The following EPB41L5 variants were observed in gnomAD, a reference collection of about 807,000 sequenced individuals.
The protein encoded by EPB41L5 is erythrocyte membrane protein band 4.1 like 5, also known as band 4.1-like protein 5.
In EPB41L5, 55 loss-of-function variants were observed where a neutral mutation model predicts 106.6. The ratio of observed to expected loss-of-function variants is 0.52; its 90% CI spans 0.42 to 0.65. The LOEUF is 0.65. Ranked by LOEUF, EPB41L5 falls within the 30% of genes least tolerant of loss-of-function variation. The probability of loss-of-function intolerance (pLI) is 0.00; values close to 1 mark genes in which losing one functional copy is unlikely to be tolerated. For synonymous variants in EPB41L5, 297 were observed against 306.7 expected (o/e 0.97, Z 0.33); for missense variants, 871 against 882.1 (o/e 0.99, Z 0.16).
chr2:120,068,235 G>A (rs906591467), intron 3 of EPB41L5, among the ~76,000 whole-genome samples: 4 of 152,230 alleles, frequency 2.6e-5, no homozygotes, highest in African/African-American at 7.2e-5. Flanking sequence ...TGTGAGGAAC[G>A]GTGCATTCCG....
intron 3 of EPB41L5, among the ~76,000 whole-genome samples, chr2:120,061,187 C>T (rs1437450565): frequency 1.3e-5 from 2 of 149,344 alleles, no homozygotes; most frequent in Non-Finnish European, 3.0e-5. Flanking sequence ...ACTACAGGCA[C>T]ACACCACCAT....
intron 16 of EPB41L5, 34 bp from the exon 17 acceptor site, chr2:120,127,654 C>T (rs1562287): frequency 6.5e-7 from 1 of 1,527,726 alleles, no homozygotes; most frequent in Non-Finnish European, 8.9e-7. Flanking sequence ...AGTTAAATTT[C>T]TTGGTCTAAG....
At chr2:120,079,201 A>C (rs1326197810) in intron 10 of EPB41L5, among the ~76,000 whole-genome samples, 2 of 152,146 alleles carry the variant, frequency 1.3e-5, no homozygotes, top group African/African-American at 4.8e-5. Flanking sequence ...CTAGACAGGG[A>C]CTGTTAGCGC....
intron 16 of EPB41L5, among the ~76,000 whole-genome samples, chr2:120,112,912 A>G (rs186013573): frequency 7.2e-4 from 110 of 152,354 alleles, no homozygotes; most frequent in Admixed American, 7.2e-4. Flanking sequence ...GCTGGGCTTC[A>G]AACTCAAGAC....
At position 120,106,085 on chromosome 2, in the gene EPB41L5, G is replaced by T. The variant is rs191834252; in HGVS notation, c.1337+5271G>T. Reference sequence around the variant, plus strand: ...GTAAGATCTTCAGTTCATATTGAAAGTGGCCATTTCTGTATTTATAATTTG... The same window carrying T: ...GTAAGATCTTCAGTTCATATTGAAATTGGCCATTTCTGTATTTATAATTTG... On this transcript the variant is annotated intron_variant, in intron 16 of 24. Coordinates refer to ENST00000263713, the MANE Select transcript of EPB41L5 (RefSeq NM_020909.4). 4.3e-4 allele frequency: 427 copies of T among 985,030 alleles called. 9 individuals are homozygous for T. In the Admixed American group the frequency reaches 0.025, roughly 57 times the overall value. 61.0% of individuals were successfully genotyped at this position (985,030 alleles called of 1,614,324 possible).
chr2:120,035,034 G>A (rs1162547013), intron 2 of EPB41L5, among the ~76,000 whole-genome samples: 1 of 152,046 alleles, frequency 6.6e-6, no homozygotes, highest in Admixed American at 6.6e-5. Flanking sequence ...TTATTTAAAC[G>A]CACATACACA....
chr2:120,021,447 A>C (rs571842828), intron 2 of EPB41L5, among the ~76,000 whole-genome samples: 17 of 152,262 alleles, frequency 1.1e-4, no homozygotes, highest in Non-Finnish European at 2.4e-4. Context: ...GTTTGAGACC[A>C]GTCTGGCCAA....
At chr2:120,072,098 AC>A (rs1368708960) in intron 3 of EPB41L5, among the ~76,000 whole-genome samples, 4 of 152,232 alleles carry the variant, frequency 2.6e-5, no homozygotes, top group Non-Finnish European at 4.4e-5. Flanking sequence ...CCAGAAAAAA[AC>A]AACCCCATCA....
intron 2 of EPB41L5, among the ~76,000 whole-genome samples, chr2:120,022,733 T>G (rs550384112): frequency 4.6e-5 from 7 of 152,294 alleles, no homozygotes; most frequent in African/African-American, 1.7e-4. Flanking sequence ...ATATTTCTGG[T>G]TCTAGATCCT....
At chr2:120,021,618 G>A (rs993215230) in intron 2 of EPB41L5, among the ~76,000 whole-genome samples, 5 of 152,176 alleles carry the variant, frequency 3.3e-5, no homozygotes, top group African/African-American at 1.2e-4. Context: ...TCCAGCCCGG[G>A]TGACAGTGCG....
At chr2:120,090,998 T>C (rs991454207) in intron 12 of EPB41L5, among the ~76,000 whole-genome samples, 1 of 152,144 alleles carries the variant, frequency 6.6e-6, no homozygotes. Context: ...CTGCATGCCA[T>C]GGAAATCAGT....
chr2:120,056,950 G>T (rs1196894359), intron 3 of EPB41L5, among the ~76,000 whole-genome samples: 5 of 152,156 alleles, frequency 3.3e-5, no homozygotes, highest in Non-Finnish European at 7.3e-5. Flanking sequence ...AGGCTGGAGT[G>T]TAGTGACGCC....
chr2:120,079,661 A>G (rs1159590254), intron 10 of EPB41L5, among the ~76,000 whole-genome samples: 1 of 152,156 alleles, frequency 6.6e-6, no homozygotes, highest in African/African-American at 2.4e-5. Flanking sequence ...AACTGGTATT[A>G]CATTTCCTTT....
intron 3 of EPB41L5, among the ~76,000 whole-genome samples, chr2:120,057,568 T>C (rs1224953202): frequency 6.6e-6 from 1 of 152,162 alleles, no homozygotes; most frequent in Non-Finnish European, 1.5e-5. Context: ...AGATGGATAA[T>C]GGTATAAATC....
chr2:120,054,923 A>G (rs538730755), intron 3 of EPB41L5, among the ~76,000 whole-genome samples: 4 of 145,514 alleles, frequency 2.7e-5, no homozygotes, highest in East Asian at 4.0e-4. Flanking sequence ...CTGGAGTGCA[A>G]TCATGCGAAC....
chr2:120,150,401 A>G (rs1686618932), intron 20 of EPB41L5, among the ~76,000 whole-genome samples: 1 of 152,094 alleles, frequency 6.6e-6, no homozygotes, highest in Admixed American at 6.6e-5. Flanking sequence ...AGCTCACTGT[A>G]ACCTTGAACT....
chr2:120,060,588 A>T (rs931993027), intron 3 of EPB41L5, among the ~76,000 whole-genome samples: 33 of 152,330 alleles, frequency 2.2e-4, no homozygotes, highest in African/African-American at 7.5e-4. Flanking sequence ...AGATCAAATT[A>T]ATGGTTGCTA....
Position 120,077,326 on chromosome 2 carries a change from G to A in EPB41L5, c.714+10G>A, listed in dbSNP as rs1358650658. 1.3e-6 allele frequency: 2 copies of A among 1,596,942 alleles called. No individual in the cohort carries two copies. Among genetic ancestry groups the A allele is most frequent in the Non-Finnish European group, 1.7e-6 (2 of 1,171,506 alleles). On this transcript the variant is annotated intron_variant, in intron 9 of 24. Coordinates refer to ENST00000263713, the MANE Select transcript of EPB41L5 (RefSeq NM_020909.4). ...TATGCATGTGGTCAAGGTAAGCATT[G>A]TGTTGTGATGCTTTTTTAAAAATTT...
rs570105402 is a variant in EPB41L5, at chr2:120,041,266, G to T, written c.181-740G>T. Reference sequence around the variant, plus strand: ...AGAAGGTACTTGGATTCTCTTATCTGCTTCCACGTTCACTGTGTTGCAATG... The same window carrying T: ...AGAAGGTACTTGGATTCTCTTATCTTCTTCCACGTTCACTGTGTTGCAATG... On this transcript the variant is annotated intron_variant, in intron 2 of 24. Transcript: ENST00000263713. Among the ~76,000 whole-genome samples the T allele has an allele frequency of 5.3e-5, 8 of 152,210 alleles. No individual in the cohort carries two copies. The South Asian group carries it at 1.7e-3, about 32-fold the overall frequency.
Sources: gnomAD v4.1 joint callset for allele counts (sites outside exome capture counted in the v4.1 genomes callset) on GRCh38, gnomAD v4.1.1 for gene constraint, MANE v1.5 for transcripts, NCBI Gene and HGNC (gene_info 2026-07-23, HGNC 2026-07-21) for gene names.